The following ASB13 variants were observed in gnomAD, a reference collection of about 807,000 sequenced individuals.
ASB13 encodes the protein ankyrin repeat and SOCS box containing 13, also known as ankyrin repeat and SOCS box protein 13.
A neutral mutation model predicts 28.8 loss-of-function variants in ASB13; 33 were observed. That is an observed-to-expected ratio of 1.15 (90% CI 0.87 to 1.53). ASB13 has a LOEUF of 1.53. Among genes scored for constraint, ASB13 ranks in the 40% most tolerant of loss-of-function variants. ASB13 has a pLI of 0.00. For synonymous variants in ASB13, 182 were observed against 172.9 expected (o/e 1.05, Z -0.41); for missense variants, 414 against 390.1 (o/e 1.06, Z -0.52).
rs191179433 is a variant in ASB13, at chr10:5,642,927, A to G, written c.518-966T>C. Reference sequence around the variant, plus strand: ...CACATATGGCATTTTGCAACACACTAAAAAAAATTTTGATAAAAATATGAT... The same window carrying G: ...CACATATGGCATTTTGCAACACACTGAAAAAAATTTTGATAAAAATATGAT... On this transcript the variant is annotated intron_variant, in intron 4 of 5. Coordinates refer to ENST00000357700, the MANE Select transcript of ASB13 (RefSeq NM_024701.4). This position sits in a 1 kb window ranked among gnomAD's most constrained non-coding sequence, Gnocchi z 4.1. 4.6e-4 allele frequency among the ~76,000 whole-genome samples: 70 copies of G among 152,188 alleles called. No homozygotes were observed. Among genetic ancestry groups the G allele is most frequent in the African/African-American group, 1.6e-3 (66 of 41,528 alleles).
Position 5,640,944 on chromosome 10 carries a change from G to T in ASB13, c.710-114C>A. 12 of 1,392,856 alleles carry T rather than the reference G, an allele frequency of 8.6e-6. No homozygotes were observed. In the South Asian group the frequency reaches 1.4e-4, roughly 17 times the overall value. 86.3% of individuals were successfully genotyped at this position (1,392,856 alleles called of 1,614,324 possible). ...AACGCCTCCCTTTCCCCTGGAACCG[G>T]GATGTGTCCTGTAGGCCTTCTCTGG... On this transcript the variant is annotated intron_variant, in intron 5 of 5. Coordinates refer to ENST00000357700, the MANE Select transcript of ASB13 (RefSeq NM_024701.4).
In ASB13 at chr10:5,664,577, G is replaced by T. The variant is rs1588522642; in HGVS notation, c.43+1932C>A. ...AAAACAATTCTACTGGAGGACCCTG[G>T]GGGGAACGTACGGGGGAGTGGGGGA... On this transcript the variant is annotated intron_variant, in intron 1 of 5. Transcript: ENST00000357700. This position sits in a 1 kb window ranked among gnomAD's most constrained non-coding sequence, Gnocchi z 4.2. 6.6e-6 allele frequency among the ~76,000 whole-genome samples: 1 copy of T among 152,258 alleles called. No individual in the cohort carries two copies. The highest frequency in any genetic ancestry group is 2.4e-5 in the African/African-American group (1 of 41,554).
At chr10:5,653,916 A>C (rs1239549915) in intron 1 of ASB13, among the ~76,000 whole-genome samples, 1 of 152,124 alleles carries the variant, frequency 6.6e-6, no homozygotes, top group Non-Finnish European at 1.5e-5. Context: ...TCCTGACCTC[A>C]GGTGATCCAC....
rs554675457 is a variant in ASB13, at chr10:5,655,543, T to C, written c.44-2493A>G. On this transcript the variant is annotated intron_variant, in intron 1 of 5. Coordinates refer to ENST00000357700, the MANE Select transcript of ASB13 (RefSeq NM_024701.4). This position sits in a 1 kb window ranked among gnomAD's most constrained non-coding sequence, Gnocchi z 6.2. ...CACAGCCAAAGAGCCCGGGTGACCC[T>C]ATGTCAGTGGAAGTGGGGACTAGGG... Among the ~76,000 whole-genome samples the C allele has an allele frequency of 1.3e-5, 2 of 152,312 alleles. No homozygotes were observed. The highest frequency in any genetic ancestry group is 3.9e-4 in the East Asian group (2 of 5,190).
In ASB13 at chr10:5,658,830, G is replaced by T. The variant is rs987652266; in HGVS notation, c.44-5780C>A. Among the ~76,000 whole-genome samples the T allele has an allele frequency of 6.6e-6, 1 of 152,194 alleles. No homozygotes were observed. ...GTCCTCATAGGAGATTTACAGTGGG[G>T]AAGGGAGGGATAGAAGGCTAGAGGA... On this transcript the variant is annotated intron_variant, in intron 1 of 5. Transcript: ENST00000357700. This position sits in a 1 kb window ranked among gnomAD's most constrained non-coding sequence, Gnocchi z 4.2.
rs1834962329 is a variant in ASB13 at position 5,650,172 on chromosome 10, T to C, written c.382+1041A>G. 6.6e-6 allele frequency among the ~76,000 whole-genome samples: 1 copy of C among 152,074 alleles called. No individual in the cohort carries two copies. On this transcript the variant is annotated intron_variant, in intron 3 of 5. Transcript: ENST00000357700. This position sits in a 1 kb window ranked among gnomAD's most constrained non-coding sequence, Gnocchi z 6.0. ...GGATTCCTTCCCCAACCCTACTAAATGAAACCATCCCACTCCACCAGCCTA... is the reference window on the plus strand; with the variant it reads ...GGATTCCTTCCCCAACCCTACTAAACGAAACCATCCCACTCCACCAGCCTA...
rs1046397283 is a variant in ASB13, at chr10:5,639,152, A to T, written c.*1551T>A. The stretch of plus-strand genomic sequence containing the variant: ...GGCGGGAACGCTGGAGTAAAACCTC[A>T]CGGCGGCCAGCATGAAGTTTTTCGC... On this transcript the variant is annotated 3_prime_UTR_variant, in exon 6 of 6. Coordinates refer to ENST00000357700, the MANE Select transcript of ASB13 (RefSeq NM_024701.4). The T allele has an allele frequency of 6.6e-6, 1 of 152,614 alleles. No individual in the cohort carries two copies. The highest frequency in any genetic ancestry group is 1.5e-5 in the Non-Finnish European group (1 of 68,048). The allele number at this position is 152,614 out of a possible 1,614,324, so 9.5% of individuals were successfully genotyped here.
In ASB13 at chr10:5,646,006, G is replaced by A. The variant is rs146447810; in HGVS notation, c.517+2964C>T. The stretch of plus-strand genomic sequence containing the variant: ...AGAGGAGACCACCCAAGAGTAGGAT[G>A]GGAACCAGGAATCCCGCGTGGAGCT... On this transcript the variant is annotated intron_variant, in intron 4 of 5. Transcript: ENST00000357700. Among the ~76,000 whole-genome samples the A allele has an allele frequency of 5.6e-3, 848 of 152,330 alleles. 6 individuals carry two copies. The highest frequency in any genetic ancestry group is 0.018 in the African/African-American group (763 of 41,580).
In ASB13 at chr10:5,660,796, G is replaced by A. The variant is rs1174626852; in HGVS notation, c.43+5713C>T. ...CTCCAGTAACTCAATCCTTACCTAA[G>A]TCGGGTGACTGATTGAGTCTCTGCC... On this transcript the variant is annotated intron_variant, in intron 1 of 5. Coordinates refer to ENST00000357700, the MANE Select transcript of ASB13 (RefSeq NM_024701.4). The surrounding 1 kb of genome is among the most constrained non-coding windows in gnomAD (Gnocchi z 6.1). 6.6e-6 allele frequency among the ~76,000 whole-genome samples: 1 copy of A among 152,102 alleles called. No homozygotes were observed. Among genetic ancestry groups the A allele is most frequent in the Non-Finnish European group, 1.5e-5 (1 of 68,022 alleles).
In ASB13 at chr10:5,659,813, T is replaced by C. The variant is rs1011184309; in HGVS notation, c.43+6696A>G. ...CAGGCTGCTCGTGCAGGTATCTGAA[T>C]GAATAAGCACTCCCCAGACGCATCT... is the stretch of plus-strand genomic sequence containing the variant. On this transcript the variant is annotated intron_variant, in intron 1 of 5. Coordinates refer to ENST00000357700, the MANE Select transcript of ASB13 (RefSeq NM_024701.4). This position sits in a 1 kb window ranked among gnomAD's most constrained non-coding sequence, Gnocchi z 5.8. 2.0e-5 allele frequency among the ~76,000 whole-genome samples: 3 copies of C among 152,124 alleles called. No homozygotes were observed. The highest frequency in any genetic ancestry group is 4.4e-5 in the Non-Finnish European group (3 of 68,018).
chr10:5,658,026 T>C lies in ASB13; in HGVS notation c.44-4976A>G, dbSNP rs1276854232. Reference sequence around the variant, plus strand: ...AGCCAGGCATGGTGGCTGTAATCCATGGTGCTTCAGTAGTGCCAGCTACTC... The same window carrying C: ...AGCCAGGCATGGTGGCTGTAATCCACGGTGCTTCAGTAGTGCCAGCTACTC... On this transcript the variant is annotated intron_variant, in intron 1 of 5. Transcript: ENST00000357700. The surrounding 1 kb of genome is among the most constrained non-coding windows in gnomAD (Gnocchi z 4.2). Among the ~76,000 whole-genome samples, 3 of 152,114 alleles carry C rather than the reference T, an allele frequency of 2.0e-5. No homozygotes were observed. The highest frequency in any genetic ancestry group is 7.2e-5 in the African/African-American group (3 of 41,406).
chr10:5,647,051 A>C (rs1834895791), intron 4 of ASB13, among the ~76,000 whole-genome samples: 1 of 152,260 alleles, frequency 6.6e-6, no homozygotes, highest in African/African-American at 2.4e-5. Flanking sequence ...AAGATTCTCC[A>C]ATAAAAAACT....
At position 5,650,752 on chromosome 10, in the gene ASB13, G is replaced by C. The variant is rs1834971348; in HGVS notation, c.382+461C>G. Reference sequence around the variant, plus strand: ...CAGCATCTGCAGTCTGCCTATTCTTGGGGGGCAGATGAGGTCCCACCTGCT... The same window carrying C: ...CAGCATCTGCAGTCTGCCTATTCTTCGGGGGCAGATGAGGTCCCACCTGCT... On this transcript the variant is annotated intron_variant, in intron 3 of 5. Transcript: ENST00000357700. The surrounding 1 kb of genome is among the most constrained non-coding windows in gnomAD (Gnocchi z 6.0). Among the ~76,000 whole-genome samples the C allele has an allele frequency of 6.6e-6, 1 of 152,184 alleles. No individual in the cohort carries two copies. Among genetic ancestry groups the C allele is most frequent in the African/African-American group, 2.4e-5 (1 of 41,438 alleles).
chr10:5,644,524 A>G lies in ASB13; in HGVS notation c.518-2563T>C, dbSNP rs11256654. The stretch of plus-strand genomic sequence containing the variant: ...AAGAGAACATAAACAGGTACTCGTT[A>G]GAGGAAAACAGGGCCAGACACGGTG... On this transcript the variant is annotated intron_variant, in intron 4 of 5. Transcript: ENST00000357700. The surrounding 1 kb of genome is among the most constrained non-coding windows in gnomAD (Gnocchi z 5.1). Among the ~76,000 whole-genome samples, 3,899 of 151,492 alleles carry G rather than the reference A, an allele frequency of 0.026. 91 individuals carry two copies. Among genetic ancestry groups the G allele is most frequent in the East Asian group, 0.068 (348 of 5,086 alleles).
Position 5,659,143 on chromosome 10 carries a change from C to A in ASB13, c.44-6093G>T, listed in dbSNP as rs540937256. 6.6e-6 allele frequency among the ~76,000 whole-genome samples: 1 copy of A among 152,186 alleles called. No homozygotes were observed. Among genetic ancestry groups the A allele is most frequent in the African/African-American group, 2.4e-5 (1 of 41,438 alleles). ...AGGATGGATTGCAGGCTGCTTCCAG[C>A]CCCTGTGCCAGGCTCCCTGTGGTGG... is the stretch of plus-strand genomic sequence containing the variant. On this transcript the variant is annotated intron_variant, in intron 1 of 5. Transcript: ENST00000357700. This position sits in a 1 kb window ranked among gnomAD's most constrained non-coding sequence, Gnocchi z 5.8.
At position 5,651,496 on chromosome 10, in the gene ASB13, C is replaced by T; in HGVS notation, c.232-133G>A. 2 of 1,019,430 alleles carry T rather than the reference C, an allele frequency of 2.0e-6. No individual in the cohort carries two copies. Among genetic ancestry groups the T allele is most frequent in the Non-Finnish European group, 2.8e-6 (2 of 716,966 alleles). The allele number at this position is 1,019,430 out of a possible 1,614,324, so 63.1% of individuals were successfully genotyped here. A position where few individuals can be genotyped will look rare whatever the true frequency, so the allele number is the denominator to read the frequency against. On this transcript the variant is annotated intron_variant, in intron 2 of 5. Transcript: ENST00000357700. This position sits in a 1 kb window ranked among gnomAD's most constrained non-coding sequence, Gnocchi z 5.1. The stretch of plus-strand genomic sequence containing the variant: ...GTTTGCTTTGCTATTATGTGCTAGG[C>T]AACGACACTGAAAGAGATAGCACGT...
At chr10:5,654,251 T>A (rs989844004) in intron 1 of ASB13, among the ~76,000 whole-genome samples, 3 of 149,928 alleles carry the variant, frequency 2.0e-5, no homozygotes, top group Non-Finnish European at 3.0e-5. Flanking sequence ...CGAAGAGGCC[T>A]CCAAGCTTCC....
At chr10:5,647,686 G>A (rs368988551) in intron 4 of ASB13, among the ~76,000 whole-genome samples, 10 of 152,216 alleles carry the variant, frequency 6.6e-5, no homozygotes, top group South Asian at 4.2e-4. Flanking sequence ...ACCAGGCACC[G>A]GGGAAACATC....
Position 5,641,522 on chromosome 10 carries a change from G to A in ASB13, c.709+248C>T, listed in dbSNP as rs1251496325. ...CAAATGTCCAGCACAGGAGGCACAG[G>A]TCTGGTGCCCGGGCAGGTGTCGGCC... is the stretch of plus-strand genomic sequence containing the variant. On this transcript the variant is annotated intron_variant, in intron 5 of 5. Transcript: ENST00000357700. The surrounding 1 kb of genome is among the most constrained non-coding windows in gnomAD (Gnocchi z 8.4). 6.6e-6 allele frequency among the ~76,000 whole-genome samples: 1 copy of A among 152,236 alleles called. No individual in the cohort carries two copies. Among genetic ancestry groups the A allele is most frequent in the Non-Finnish European group, 1.5e-5 (1 of 68,044 alleles).
Sources: gnomAD v4.1 joint callset for allele counts (sites outside exome capture counted in the v4.1 genomes callset) on GRCh38, gnomAD v4.1.1 for gene constraint, Gnocchi (gnomAD v3.1) non-coding constraint, MANE v1.5 for transcripts, NCBI Gene and HGNC (gene_info 2026-07-23, HGNC 2026-07-21) for gene names.